The following DELE1 variants were observed in gnomAD, a reference collection of about 807,000 sequenced individuals.
DELE1 encodes the protein death ligand signal enhancer.
DELE1 carries 54 observed loss-of-function variants against 59.3 expected under a neutral mutation model. That is an observed-to-expected ratio of 0.91 (90% CI 0.73 to 1.14). The LOEUF is 1.14. DELE1 is among the 50% of genes most tolerant of loss of function. The probability of loss-of-function intolerance (pLI) is 0.00; values close to 1 mark genes in which losing one functional copy is unlikely to be tolerated. For missense variants in DELE1, 636 were observed against 643.9 expected (o/e 0.99, Z 0.13); for synonymous variants, 264 against 259.1 (o/e 1.02, Z -0.18).
At position 141,941,245 on chromosome 5, in the gene DELE1, C is replaced by T. The variant is rs982077158; in HGVS notation, c.*2486C>T. On this transcript the variant is annotated 3_prime_UTR_variant, in exon 12 of 12. Transcript: ENST00000432126. The stretch of plus-strand genomic sequence containing the variant: ...GTCCTGTGGTGAAGGCCAGATGCAG[C>T]CCTCCCTGAGTGGCTCTCCCTCCCA... 3.0e-6 allele frequency: 3 copies of T among 985,382 alleles called. No individual in the cohort carries two copies. The highest frequency in any genetic ancestry group is 3.6e-6 in the Non-Finnish European group (3 of 829,982). 61.0% of individuals were successfully genotyped at this position (985,382 alleles called of 1,614,324 possible). A position where few individuals can be genotyped will look rare whatever the true frequency, so the allele number is the denominator to read the frequency against.
chr5:141,928,479 T>C (rs1159252365), intron 4 of DELE1, among the ~76,000 whole-genome samples, 181 bp downstream of exon 4: 1 of 152,210 alleles, frequency 6.6e-6, no homozygotes, highest in African/African-American at 2.4e-5. Context: ...CACCTGCCCC[T>C]CAGTGTCTTT....
intron 3 of DELE1, 48 bp from the exon 4 acceptor site, chr5:141,928,103 G>A (rs766932488): frequency 3.4e-5 from 54 of 1,577,516 alleles, no homozygotes; most frequent in Non-Finnish European, 4.2e-5. Context: ...CGGGTCTGAT[G>A]GAGTTGATTG....
chr5:141,936,019 A>T (rs907846752), intron 10 of DELE1, among the ~76,000 whole-genome samples: 2 of 152,234 alleles, frequency 1.3e-5, no homozygotes, highest in African/African-American at 4.8e-5. Flanking sequence ...GAGAATGTGT[A>T]GACAACTCTT....
At chr5:141,926,043 A>C (rs351261) in intron 3 of DELE1, among the ~76,000 whole-genome samples, 151,751 of 152,106 alleles carry the variant, frequency 1, 75,698 homozygotes, top group Middle Eastern at 1. Context: ...CCACGCCTGG[A>C]TAATTTTTGT....
rs1052969671 is a variant in DELE1 at position 141,933,404 on chromosome 5, A to G, written c.897+3A>G. 2.0e-6 allele frequency: 3 copies of G among 1,479,198 alleles called. No homozygotes were observed. Among genetic ancestry groups the G allele is most frequent in the Middle Eastern group, 2.3e-4 (1 of 4,376 alleles). 91.6% of individuals were successfully genotyped at this position (1,479,198 alleles called of 1,614,324 possible). ...GCACCCCCAGGGACATTAGCAAGGT[A>G]TTCCCCTGCCCCCAAGCCTGCCTTC... On this transcript the variant is annotated splice_donor_region_variant and intron_variant, in intron 8 of 11. Coordinates refer to ENST00000432126, the MANE Select transcript of DELE1 (RefSeq NM_014773.5).
At position 141,930,051 on chromosome 5, in the gene DELE1, C is replaced by G. The variant is rs1216831223; in HGVS notation, c.634C>G (p.Gln212Glu). ...SSIESEAKPA[Q>E]PQPTGEKEQD... ...CATCGAGTCCGAGGCAAAACCAGCC[C>G]AGCCTCAGCCCACTGGTGAAAAGGT... is the stretch of plus-strand genomic sequence containing the variant. Residue 212 changes from glutamine (Q) to glutamate (E), a missense_variant, in exon 6 of 12, where the codon CAG (glutamine) becomes GAG (glutamate). By Grantham distance (29) the Gln-to-Glu change is conservative (BLOSUM62 2). Coordinates refer to ENST00000432126, the MANE Select transcript of DELE1 (RefSeq NM_014773.5). 2 of 1,614,074 alleles carry G rather than the reference C, an allele frequency of 1.2e-6. No individual in the cohort carries two copies. Among genetic ancestry groups the G allele is most frequent in the Non-Finnish European group, 8.5e-7 (1 of 1,180,034 alleles).
rs1350856405 is a variant in DELE1, at chr5:141,933,348, A to G, written c.844A>G (p.Asn282Asp). The change falls in exon 8 of 12, where the codon AAT (asparagine) becomes GAT (aspartate). Residue 282 changes from asparagine to aspartate, a missense_variant. Physicochemically the swap from Asn to Asp is conservative, Grantham distance 23 (BLOSUM62 1). Transcript: ENST00000432126. ...CCGCGGCTACAGCAAAGCGCAGTAC[A>G]ATGCGGGCTTGTGTCATGAGCATGG... is the stretch of plus-strand genomic sequence containing the variant. ...AARGYSKAQY[N>D]AGLCHEHGRG... The G allele has an allele frequency of 1.3e-6, 2 of 1,539,742 alleles. No homozygotes were observed. The highest frequency in any genetic ancestry group is 1.8e-6 in the Non-Finnish European group (2 of 1,128,706).
Position 141,939,810 on chromosome 5 carries a change from C to A in DELE1, c.*1051C>A. ...GTAGACCAAAGGCAATGGTGTCTGC[C>A]CTCCTACCTTAGAAGACAAATGCAA... On this transcript the variant is annotated 3_prime_UTR_variant, in exon 12 of 12. Transcript: ENST00000432126. 1.5e-6 allele frequency: 1 copy of A among 655,940 alleles called. No individual in the cohort carries two copies. The highest frequency in any genetic ancestry group is 1.9e-6 in the Non-Finnish European group (1 of 529,244). The allele number at this position is 655,940 out of a possible 1,614,324, so 40.6% of individuals were successfully genotyped here.
At chr5:141,929,252 CT>C (rs888548981) in intron 4 of DELE1, among the ~76,000 whole-genome samples, 1 of 151,552 alleles carries the variant, frequency 6.6e-6, no homozygotes, top group African/African-American at 2.4e-5. Context: ...CCTGATCACT[CT>C]TTTTTTTTCT....
rs369296639 is a variant in DELE1 at position 141,933,416 on chromosome 5, C to T, written c.897+15C>T. On this transcript the variant is annotated intron_variant, in intron 8 of 11. Transcript: ENST00000432126. Reference sequence around the variant, plus strand: ...ACATTAGCAAGGTATTCCCCTGCCCCCAAGCCTGCCTTCTGTGCTGGGCTG... The same window carrying T: ...ACATTAGCAAGGTATTCCCCTGCCCTCAAGCCTGCCTTCTGTGCTGGGCTG... 5 of 1,454,188 alleles carry T rather than the reference C, an allele frequency of 3.4e-6. No individual in the cohort carries two copies. In the South Asian group the frequency reaches 7.1e-5, roughly 21 times the overall value. 90.1% of individuals were successfully genotyped at this position (1,454,188 alleles called of 1,614,324 possible).
intron 10 of DELE1, 161 bp from the exon 11 acceptor site, chr5:141,937,037 T>G: frequency 6.7e-7 from 1 of 1,494,134 alleles, no homozygotes; most frequent in Non-Finnish European, 8.9e-7. Flanking sequence ...CCTCTGGCAT[T>G]TCGTAGTTGA....
intron 4 of DELE1, among the ~76,000 whole-genome samples, chr5:141,928,627 G>T (rs1462611472): frequency 6.6e-6 from 1 of 152,196 alleles, no homozygotes; most frequent in East Asian, 1.9e-4. Context: ...ATAAATAAAT[G>T]AATCTTTATT....
At chr5:141,924,322 G>C (rs1596582855) in intron 1 of DELE1, among the ~76,000 whole-genome samples, 1 of 152,286 alleles carries the variant, frequency 6.6e-6, no homozygotes, top group Middle Eastern at 3.4e-3. Context: ...ATTAGTGAGA[G>C]TATATGTATG....
At chr5:141,927,099 C>G (rs1751484157) in intron 3 of DELE1, among the ~76,000 whole-genome samples, 1 of 152,166 alleles carries the variant, frequency 6.6e-6, no homozygotes, top group South Asian at 2.1e-4. Flanking sequence ...AGTAATTACT[C>G]TATTTCTCTC....
rs1031016611 is a variant in DELE1, at chr5:141,923,882, C to T, written c.-60C>T. 2.0e-5 allele frequency: 31 copies of T among 1,563,596 alleles called. No homozygotes were observed. Among genetic ancestry groups the T allele is most frequent in the Non-Finnish European group, 2.6e-5 (30 of 1,153,608 alleles). Reference sequence around the variant, plus strand: ...GGCATCGCGGCGGCCTTTCTAGCCGCTGTCCCAAGGGTTGGTCTCGCGCTT... The same window carrying T: ...GGCATCGCGGCGGCCTTTCTAGCCGTTGTCCCAAGGGTTGGTCTCGCGCTT... On this transcript the variant is annotated 5_prime_UTR_variant, in exon 1 of 12. Coordinates refer to ENST00000432126, the MANE Select transcript of DELE1 (RefSeq NM_014773.5).
At chr5:141,936,839 T>A in intron 10 of DELE1, 4 of 983,770 alleles carry the variant, frequency 4.1e-6, no homozygotes, top group Non-Finnish European at 4.8e-6. Flanking sequence ...CACCTTCGCC[T>A]CCTTGCTGTT....
In DELE1 at chr5:141,933,332, C is replaced by A; in HGVS notation, c.828C>A (p.Tyr276Ter). The A allele has an allele frequency of 6.4e-7, 1 of 1,565,944 alleles. No individual in the cohort carries two copies. Among genetic ancestry groups the A allele is most frequent in the African/African-American group, 1.4e-5 (1 of 73,872 alleles). The change falls in exon 8 of 12, where the codon TAC (tyrosine) becomes TAA (stop). Residue 276 changes from tyrosine (Y) to a stop codon, truncating the protein, a stop_gained. Transcript: ENST00000432126. LOFTEE classifies it high-confidence loss of function. ...TCCAGAAAGCTGCAGCCCGCGGCTACAGCAAAGCGCAGTACAATGCGGGCT... is the reference window on the plus strand; with the variant it reads ...TCCAGAAAGCTGCAGCCCGCGGCTAAAGCAAAGCGCAGTACAATGCGGGCT... ...SYFQKAAARGYSKAQYNAGLC... is the reference protein window; with the variant it reads ...SYFQKAAARG
Position 141,938,590 on chromosome 5 carries a change from A to G in DELE1, c.1379A>G (p.Asn460Ser). The G allele has an allele frequency of 1.2e-6, 2 of 1,614,040 alleles. No homozygotes were observed. Among genetic ancestry groups the G allele is most frequent in the Non-Finnish European group, 8.5e-7 (1 of 1,180,022 alleles). ...SFSSPSLCSL[N>S]TLLAGTSRLP... ...TCCAGCCCCTCCCTCTGCAGCTTGA[A>G]CACCCTGCTAGCAGGAACCTCACGC... is the stretch of plus-strand genomic sequence containing the variant. The change falls in exon 12 of 12, where the codon AAC becomes AGC. Residue 460 changes from asparagine (N) to serine (S), a missense_variant. By Grantham distance (46) the Asn-to-Ser change is conservative (BLOSUM62 1). Transcript: ENST00000432126.
At chr5:141,925,589 A>G (rs1425787815) in intron 3 of DELE1, 62 bp downstream of exon 3, 2 of 1,016,370 alleles carry the variant, frequency 2.0e-6, no homozygotes, top group East Asian at 2.9e-5. Flanking sequence ...CTTCATGGGT[A>G]TACAGCCGAA....
Sources: gnomAD v4.1 joint callset for allele counts (sites outside exome capture counted in the v4.1 genomes callset) on GRCh38, gnomAD v4.1.1 for gene constraint, MANE v1.5 for transcripts, NCBI Gene and HGNC (gene_info 2026-07-23, HGNC 2026-07-21) for gene names.